Variants in ERBB4 observed in about 807,000 individuals in gnomAD.
ERBB4 encodes erb-b2 receptor tyrosine kinase 4.
In ERBB4, 42 loss-of-function variants were observed where a neutral mutation model predicts 158.0. The ratio of observed to expected loss-of-function variants is 0.27; its 90% CI spans 0.21 to 0.34. The LOEUF is 0.34. ERBB4 is among the 10% of genes least tolerant of loss of function. The pLI, the probability that ERBB4 is intolerant of heterozygous loss-of-function variation, is 1.00. For missense variants in ERBB4, 1,333 were observed against 1,624.1 expected (o/e 0.82, Z 3.08); for synonymous variants, 583 against 558.7 (o/e 1.04, Z -0.61).
At chr2:211,434,054 G>T (rs538064523) in intron 20 of ERBB4, among the ~76,000 whole-genome samples, 60 of 152,230 alleles carry the variant, frequency 3.9e-4, no homozygotes, top group African/African-American at 1.4e-3. Flanking sequence ...TTGTTTGAAC[G>T]ATGAAGAAAG....
At chr2:212,347,749 T>C (rs975433622) in intron 1 of ERBB4, among the ~76,000 whole-genome samples, 4 of 152,168 alleles carry the variant, frequency 2.6e-5, no homozygotes, top group African/African-American at 4.8e-5. Flanking sequence ...TTTTAGATTT[T>C]GGATTTTGCA....
intron 2 of ERBB4, among the ~76,000 whole-genome samples, chr2:212,091,075 A>G (rs2078760459): frequency 6.6e-6 from 1 of 152,188 alleles, no homozygotes; most frequent in Non-Finnish European, 1.5e-5. Flanking sequence ...ACTGACAATG[A>G]CACATACCTG....
At chr2:212,091,504 G>T (rs1231512537) in intron 2 of ERBB4, among the ~76,000 whole-genome samples, 1 of 152,058 alleles carries the variant, frequency 6.6e-6, no homozygotes, top group Middle Eastern at 3.2e-3. Context: ...TTGCAGTATT[G>T]TAACTCCCTC....
At chr2:212,443,377 C>A (rs1329338903) in intron 1 of ERBB4, among the ~76,000 whole-genome samples, 1 of 152,188 alleles carries the variant, frequency 6.6e-6, no homozygotes, top group Non-Finnish European at 1.5e-5. Flanking sequence ...ATAAATCCAA[C>A]TAAAATTCAG....
chr2:212,298,605 A>C (rs1160224651), intron 1 of ERBB4, among the ~76,000 whole-genome samples: 3 of 151,724 alleles, frequency 2.0e-5, no homozygotes, highest in Non-Finnish European at 4.4e-5. Context: ...TGAGGAACTC[A>C]CTACCTCTCA....
At chr2:211,969,187 C>T (rs2081385025) in intron 2 of ERBB4, among the ~76,000 whole-genome samples, 1 of 151,548 alleles carries the variant, frequency 6.6e-6, no homozygotes, top group African/African-American at 2.4e-5. Context: ...AAAGCAGTGA[C>T]AAAAGTTAAG....
chr2:211,699,735 A>G (rs1248893268), intron 12 of ERBB4, among the ~76,000 whole-genome samples: 5 of 152,174 alleles, frequency 3.3e-5, no homozygotes, highest in Admixed American at 2.6e-4. Flanking sequence ...AAAGTAGCTA[A>G]ACTCAATCCA....
chr2:212,375,981 G>A (rs2090305995), intron 1 of ERBB4, among the ~76,000 whole-genome samples: 2 of 152,146 alleles, frequency 1.3e-5, no homozygotes, highest in Non-Finnish European at 2.9e-5. Flanking sequence ...GCCTGCAGTG[G>A]CAGACCCATC....
chr2:212,250,278 T>C lies in ERBB4; in HGVS notation c.83-125375A>G, dbSNP rs1305642533. ...TGACATTTGTCTCAGCTGTGAATGT[T>C]TTTACCTATGAAAGATAATCTCCTT... On this transcript the variant is annotated intron_variant, in intron 1 of 27. Coordinates refer to ENST00000342788, the MANE Select transcript of ERBB4 (RefSeq NM_005235.3). 2.0e-5 allele frequency among the ~76,000 whole-genome samples: 3 copies of C among 152,132 alleles called. No individual in the cohort carries two copies. The East Asian group carries it at 5.8e-4, about 29-fold the overall frequency.
chr2:211,839,152 A>AAGGAGGAGGAGG (rs71409858), intron 3 of ERBB4, among the ~76,000 whole-genome samples: 64 of 110,902 alleles, frequency 5.8e-4, no homozygotes, highest in African/African-American at 1.7e-3. Context: ...GGAGAGAGAG[A>AAGGAGGAGGAGG]AGGAGGAGGA....
At chr2:211,400,150 G>A (rs796242262) in intron 25 of ERBB4, among the ~76,000 whole-genome samples, 10 of 152,154 alleles carry the variant, frequency 6.6e-5, no homozygotes, top group African/African-American at 1.9e-4. Context: ...CAACAGCCCC[G>A]CTGCCTTAAA....
intron 1 of ERBB4, among the ~76,000 whole-genome samples, chr2:212,191,884 T>TAA (rs2082250153): frequency 5.4e-4 from 1 of 1,866 alleles, no homozygotes; most frequent in South Asian, 0.011. Flanking sequence ...ATACATATGT[T>TAA]ACATGTTATA....
chr2:212,316,471 CT>C (rs1297915476), intron 1 of ERBB4, among the ~76,000 whole-genome samples: 2 of 151,508 alleles, frequency 1.3e-5, no homozygotes, highest in African/African-American at 4.8e-5. Context: ...CATCAATCTT[CT>C]TCAGCCTGGC....
intron 1 of ERBB4, among the ~76,000 whole-genome samples, chr2:212,208,481 A>G (rs1355252379): frequency 1.3e-5 from 2 of 152,194 alleles, no homozygotes; most frequent in Non-Finnish European, 2.9e-5. Flanking sequence ...AGATATAAAC[A>G]GGGCTAAGGC....
intron 2 of ERBB4, among the ~76,000 whole-genome samples, chr2:212,118,907 A>G (rs1160614380): frequency 2.0e-5 from 3 of 151,986 alleles, no homozygotes; most frequent in Non-Finnish European, 4.4e-5. Context: ...TCAAAAAACT[A>G]TACTTTCTGA....
In ERBB4 at chr2:211,396,081, G is replaced by GTCTT. The variant is rs2062910117; in HGVS notation, c.3136-8093_3136-8090dup. Among the ~76,000 whole-genome samples, 3 of 151,792 alleles carry GTCTT rather than the reference G, an allele frequency of 2.0e-5. No individual in the cohort carries two copies. The South Asian group carries it at 6.2e-4, about 31-fold the overall frequency. On this transcript the variant is annotated intron_variant, in intron 25 of 27. Coordinates refer to ENST00000342788, the MANE Select transcript of ERBB4 (RefSeq NM_005235.3). ...ATAACTTTAGAATTTGAAATGTAATGTCTTTGCCTAGATATAGTTCCTTTT... is the reference window on the plus strand; with the variant it reads ...ATAACTTTAGAATTTGAAATGTAATGTCTTTCTTTGCCTAGATATAGTTCCTTTT...
At chr2:211,823,754 G>A (rs892211176) in intron 3 of ERBB4, among the ~76,000 whole-genome samples, 1 of 151,978 alleles carries the variant, frequency 6.6e-6, no homozygotes, top group African/African-American at 2.4e-5. Flanking sequence ...TCTATAATCT[G>A]TGTAATTTTT....
rs1050527746 is a variant in ERBB4 at position 211,379,226 on chromosome 2, CCTT to C, written c.*4386_*4388del. The C allele has an allele frequency of 2.6e-5, 6 of 228,828 alleles. No individual in the cohort carries two copies. The highest frequency in any genetic ancestry group is 1.3e-4 in the African/African-American group (6 of 44,570). 14.2% of individuals were successfully genotyped at this position (228,828 alleles called of 1,614,324 possible). The stretch of plus-strand genomic sequence containing the variant: ...TGTTTGCTAGCTAAATGACACCACT[CCTT>C]TTTTTTTTTGTCTCTGCATAAGGTA... On this transcript the variant is annotated 3_prime_UTR_variant, in exon 28 of 28. Coordinates refer to ENST00000342788, the MANE Select transcript of ERBB4 (RefSeq NM_005235.3).
intron 2 of ERBB4, among the ~76,000 whole-genome samples, chr2:212,082,527 T>C (rs1473496218): frequency 6.6e-6 from 1 of 152,042 alleles, no homozygotes; most frequent in Non-Finnish European, 1.5e-5. Flanking sequence ...ACAGGGCTTT[T>C]TTAAATTAAA....
Sources: allele counts gnomAD v4.1 joint callset (sites outside exome capture counted in the v4.1 genomes callset), GRCh38; gene constraint gnomAD v4.1.1; transcripts MANE v1.5; gene names NCBI Gene and HGNC (gene_info 2026-07-23, HGNC 2026-07-21).